The following XRN2 variants were observed in gnomAD, a reference collection of about 807,000 sequenced individuals.
XRN2 encodes the protein DHM1-like protein.
Under a neutral mutation model 138.5 loss-of-function variants are expected in XRN2, and 44 were observed. The ratio of observed to expected loss-of-function variants is 0.32; its 90% CI spans 0.25 to 0.41. XRN2 has a LOEUF of 0.41. Among genes scored for constraint, XRN2 ranks in the 10% least tolerant of loss-of-function variants. The pLI is 1.00. For missense variants in XRN2, 937 were observed against 1,169.3 expected (o/e 0.80, Z 2.90); for synonymous variants, 354 against 369.4 (o/e 0.96, Z 0.48).
chr20:21,356,699 G>GA, intron 23 of XRN2, 34 bp downstream of exon 23: 1 of 1,565,582 alleles, frequency 6.4e-7, no homozygotes, highest in East Asian at 2.3e-5. Context: ...TGAGGTGACT[G>GA]GAAGGAAGTT....
chr20:21,345,200 A>C (rs2038420664), intron 16 of XRN2, among the ~76,000 whole-genome samples: 1 of 152,224 alleles, frequency 6.6e-6, no homozygotes, highest in African/African-American at 2.4e-5. Flanking sequence ...TGTAGCCATC[A>C]TGATCAATAC....
chr20:21,365,920 A>AAT (rs1360060116), intron 26 of XRN2, among the ~76,000 whole-genome samples: 2 of 92,080 alleles, frequency 2.2e-5, no homozygotes, highest in East Asian at 2.5e-4. Flanking sequence ...TATATAATAT[A>AAT]ATATATATAT....
At chr20:21,343,641 A>G (rs1033272529) in intron 15 of XRN2, among the ~76,000 whole-genome samples, 3 of 150,972 alleles carry the variant, frequency 2.0e-5, no homozygotes, top group Non-Finnish European at 4.4e-5. Flanking sequence ...TATATATGTA[A>G]TGCATTTTAT....
chr20:21,311,526 AT>A (rs2037880676), intron 1 of XRN2, among the ~76,000 whole-genome samples: 1 of 152,162 alleles, frequency 6.6e-6, no homozygotes, highest in African/African-American at 2.4e-5. Flanking sequence ...TGCTATGCAC[AT>A]TGGTGTACAA....
At chr20:21,313,327 A>G (rs533273837) in intron 1 of XRN2, among the ~76,000 whole-genome samples, 12 of 152,266 alleles carry the variant, frequency 7.9e-5, no homozygotes, top group African/African-American at 2.9e-4. Flanking sequence ...GCGTGTCCTC[A>G]TTTGTTGCCA....
chr20:21,361,020 A>G (rs756360211), intron 24 of XRN2, among the ~76,000 whole-genome samples: 1 of 152,212 alleles, frequency 6.6e-6, no homozygotes, highest in South Asian at 2.1e-4. Context: ...ATGAAACTTG[A>G]TATTTGGAGT....
chr20:21,347,004 G>A (rs562843935), intron 17 of XRN2, among the ~76,000 whole-genome samples: 10 of 152,224 alleles, frequency 6.6e-5, no homozygotes, highest in Admixed American at 2.0e-4. Flanking sequence ...TCAGAAGTCC[G>A]TATTTGTAAA....
intron 24 of XRN2, among the ~76,000 whole-genome samples, chr20:21,362,065 C>T (rs2038642619): frequency 6.6e-6 from 1 of 152,074 alleles, no homozygotes; most frequent in African/African-American, 2.4e-5. Context: ...TTTTCTATCT[C>T]CTAATGGTTT....
intron 28 of XRN2, among the ~76,000 whole-genome samples, chr20:21,384,190 T>C (rs2038914018): frequency 6.6e-6 from 1 of 152,202 alleles, no homozygotes; most frequent in Admixed American, 6.5e-5. Flanking sequence ...ATACCCAGCA[T>C]TGGAGTTCCC....
intron 3 of XRN2, among the ~76,000 whole-genome samples, chr20:21,327,007 A>T (rs1003748245): frequency 6.6e-6 from 1 of 152,182 alleles, no homozygotes; most frequent in African/African-American, 2.4e-5. Flanking sequence ...TTCTTTAACA[A>T]TGAAGAATAA....
At chr20:21,381,153 T>A (rs908228095) in intron 27 of XRN2, among the ~76,000 whole-genome samples, 4 of 152,204 alleles carry the variant, frequency 2.6e-5, no homozygotes, top group African/African-American at 9.7e-5. Flanking sequence ...TCTATTAAAA[T>A]GTGAGCCTGA....
intron 29 of XRN2, 113 bp downstream of exon 29, chr20:21,387,119 A>C (rs2038944997): frequency 7.1e-7 from 1 of 1,414,830 alleles, no homozygotes; most frequent in Non-Finnish European, 9.5e-7. Flanking sequence ...AGAGTAGCTT[A>C]GAGTAGCTTG....
intron 1 of XRN2, among the ~76,000 whole-genome samples, chr20:21,322,009 T>G (rs148555478): frequency 8.7e-4 from 133 of 152,350 alleles, no homozygotes; most frequent in African/African-American, 3.1e-3. Context: ...AGGTACCATC[T>G]CTGAGTCATG....
Position 21,332,427 on chromosome 20 carries a change from A to G in XRN2, c.845A>G (p.Glu282Gly). 6.2e-7 allele frequency: 1 copy of G among 1,608,600 alleles called. No homozygotes were observed. The highest frequency in any genetic ancestry group is 1.1e-5 in the South Asian group (1 of 90,270). The change falls in exon 9 of 30, where the codon GAA becomes GGA. Residue 282 changes from glutamate (E) to glycine (G), a missense_variant. By Grantham distance (98) the Glu-to-Gly change is moderately conservative. Around this residue, in one of 6 missense-constraint regions of XRN2, gnomAD observed 471 missense variants for 581.2 expected, o/e 0.81. Transcript: ENST00000377191. Reference protein sequence around the residue: ...EVKDCEGLPREKKGKHDELAD... With the variant: ...EVKDCEGLPRGKKGKHDELAD... ...AAAGATTGTGAAGGTTTGCCAAGAG[A>G]AAAGAAGGGAAAGGTAAGAACTTTG...
chr20:21,364,589 A>G (rs574121401), intron 24 of XRN2, among the ~76,000 whole-genome samples: 2 of 152,104 alleles, frequency 1.3e-5, no homozygotes, highest in Non-Finnish European at 2.9e-5. Flanking sequence ...GGTGGGTCTT[A>G]TGAGTCCAGG....
intron 1 of XRN2, among the ~76,000 whole-genome samples, chr20:21,304,349 T>C (rs775108202): frequency 9.2e-4 from 93 of 101,238 alleles, no homozygotes; most frequent in Non-Finnish European, 1.4e-3. Context: ...TTATTTCTGC[T>C]TTTTTTTTTT....
At chr20:21,332,064 A>G (rs1045630935) in intron 8 of XRN2, among the ~76,000 whole-genome samples, 35 of 152,232 alleles carry the variant, frequency 2.3e-4, no homozygotes, top group Non-Finnish European at 4.7e-4. Context: ...AGAATTTCCC[A>G]AGTGTTTAAT....
At chr20:21,365,297 G>T (rs2038680848) in intron 24 of XRN2, 124 bp from the exon 25 acceptor site, 1 of 874,782 alleles carries the variant, frequency 1.1e-6, no homozygotes. Context: ...TTAGCCATTT[G>T]TCAAACCCAT....
rs754166517 is a variant in XRN2 at position 21,357,807 on chromosome 20, A to C, written c.2255+15A>C. 13 of 1,595,550 alleles carry C rather than the reference A, an allele frequency of 8.1e-6. No homozygotes were observed. Among genetic ancestry groups the C allele is most frequent in the Non-Finnish European group, 1.0e-5 (12 of 1,171,264 alleles). The stretch of plus-strand genomic sequence containing the variant: ...ACTGTAGTCAGGTAAGTTTTCCAAA[A>C]TTCATGGCATTCACCCAGAACACAG... On this transcript the variant is annotated intron_variant, in intron 24 of 29. Transcript: ENST00000377191.
Sources: gnomAD v4.1 joint callset for allele counts (sites outside exome capture counted in the v4.1 genomes callset) on GRCh38, gnomAD v4.1.1 for gene constraint, gnomAD v4.1.1 regional missense constraint, MANE v1.5 for transcripts, NCBI Gene and HGNC (gene_info 2026-07-23, HGNC 2026-07-21) for gene names.